FAM50A: variants seen among roughly 807,000 people sequenced by gnomAD.
FAM50A encodes the protein family with sequence similarity 50 member A.
FAM50A carries 6 observed loss-of-function variants against 35.5 expected under a neutral mutation model. That is an observed-to-expected ratio of 0.17 (90% CI 0.09 to 0.33). FAM50A has a LOEUF of 0.33. FAM50A is among the 10% of genes least tolerant of loss of function. The pLI is 1.00. For missense variants in FAM50A, 145 were observed against 295.5 expected (o/e 0.49, Z 3.73); for synonymous variants, 120 against 110.9 (o/e 1.08, Z -0.52).
intron 7 of FAM50A, 79 bp downstream of exon 7, chrX:154,449,033 T>C: frequency 9.8e-7 from 1 of 1,025,076 alleles, no homozygotes; most frequent in South Asian, 2.1e-5. Context: ...CTGACCTTCC[T>C]GACTTGGGAA....
In FAM50A at chrX:154,448,485, G is replaced by A. The variant is rs782217912; in HGVS notation, c.444G>A (p.Glu148=). The change falls in exon 5 of 13, where the codon GAG becomes GAA. Residue 148 remains glutamate, a splice_region_variant and synonymous_variant. Transcript: ENST00000393600. ...ATATTCGGCTTCCTTTTGTTCCAGA[G>A]ATCACCACGAAGAAGAGAAAACTGG... The part of the protein sequence containing the change: ...AMYEEEMERE[E]ITTKKRKLGK... The A allele has an allele frequency of 8.3e-7, 1 of 1,206,332 alleles. No individual in the cohort carries two copies. The highest frequency in any genetic ancestry group is 1.8e-5 in the South Asian group (1 of 56,839).
At chrX:154,446,637 G>A in intron 4 of FAM50A, 77 bp downstream of exon 4, 1 of 1,098,317 alleles carries the variant, frequency 9.1e-7, no homozygotes, top group Non-Finnish European at 1.2e-6. Context: ...TGTCAGCAAA[G>A]CTGATGCCCT....
Position 154,445,919 on chromosome X carries a change from C to G in FAM50A, c.296+8C>G. 8.5e-7 allele frequency: 1 copy of G among 1,180,349 alleles called. No individual in the cohort carries two copies. Among genetic ancestry groups the G allele is most frequent in the Non-Finnish European group, 1.2e-6 (1 of 868,875 alleles). On this transcript the variant is annotated splice_region_variant and intron_variant, in intron 3 of 12. Transcript: ENST00000393600. Reference sequence around the variant, plus strand: ...GTCCAAGGAGCTGCAGATGTGGGTCCTCTCGCCGCAGCCCTCAACATGGAG... The same window carrying G: ...GTCCAAGGAGCTGCAGATGTGGGTCGTCTCGCCGCAGCCCTCAACATGGAG...
chrX:154,450,325 GA>G lies in FAM50A; in HGVS notation c.1011+7del. On this transcript the variant is annotated splice_region_variant and intron_variant, in intron 12 of 12. Transcript: ENST00000393600. The stretch of plus-strand genomic sequence containing the variant: ...AGAAGTGGGACAAGTACACGGTGAG[GA>G]GGGGCTGGCAGGGACCCCTCCAAGT... The G allele has an allele frequency of 8.3e-7, 1 of 1,207,443 alleles. No individual in the cohort carries two copies. Among genetic ancestry groups the G allele is most frequent in the Non-Finnish European group, 1.1e-6 (1 of 891,383 alleles).
intron 1 of FAM50A, 120 bp from the exon 2 acceptor site, chrX:154,445,513 T>C (rs2068778853): frequency 7.1e-6 from 4 of 565,277 alleles, no homozygotes. Context: ...CCCAGCCTCA[T>C]GGAACCTTCC....
Position 154,449,672 on chromosome X carries a change from C to A in FAM50A, c.726-9C>A, listed in dbSNP as rs1557200287. On this transcript the variant is annotated splice_polypyrimidine_tract_variant and intron_variant, in intron 8 of 12. Transcript: ENST00000393600. ...CTCTTGCCCACGCCCTCCTGCCTTC[C>A]TCCCTCAGGTCCGCAGGGGTGGAGC... 1.7e-6 allele frequency: 2 copies of A among 1,208,819 alleles called. No homozygotes were observed. The highest frequency in any genetic ancestry group is 2.2e-6 in the Non-Finnish European group (2 of 892,870).
At chrX:154,444,383 C>G in intron 1 of FAM50A, 37 bp downstream of exon 1, 1 of 801,724 alleles carries the variant, frequency 1.2e-6, no homozygotes, top group Non-Finnish European at 1.6e-6. Flanking sequence ...GCGCGCTGCC[C>G]AGGTCCCCGG....
rs1314722534 is a variant in FAM50A at position 154,444,182 on chromosome X, T to C, written c.-54T>C. 107 of 444,518 alleles carry C rather than the reference T, an allele frequency of 2.4e-4. 1 individual carries two copies. Among genetic ancestry groups the C allele is most frequent in the African/African-American group, 1.6e-3 (54 of 32,826 alleles). The allele number at this position is 444,518 out of a possible 1,213,427, so 36.6% of individuals were successfully genotyped here. ...GCCACCGCCGCTGCCGCTGCCGCTG[T>C]CGCTGTCGCCGCCGCCGCCGCCCGC... is the stretch of plus-strand genomic sequence containing the variant. On this transcript the variant is annotated 5_prime_UTR_variant, in exon 1 of 13. Transcript: ENST00000393600.
At chrX:154,444,635 G>GGGAC (rs199963621) in intron 1 of FAM50A, 19,044 of 152,117 alleles carry the variant, frequency 0.13, 1,012 homozygotes, top group African/African-American at 0.2. Context: ...AGGCACGGCG[G>GGGAC]GGACGGGCCT....
rs1358391034 is a variant in FAM50A, at chrX:154,444,168, T to C, written c.-68T>C. 1.5e-5 allele frequency: 5 copies of C among 344,492 alleles called. No individual in the cohort carries two copies. The highest frequency in any genetic ancestry group is 1.9e-5 in the Non-Finnish European group (5 of 267,105). 28.4% of individuals were successfully genotyped at this position (344,492 alleles called of 1,213,427 possible). A position where few individuals can be genotyped will look rare whatever the true frequency, so the allele number is the denominator to read the frequency against. On this transcript the variant is annotated 5_prime_UTR_variant, in exon 1 of 13. Transcript: ENST00000393600. ...CTGACTGTTCGGCCGCCACCGCCGCTGCCGCTGCCGCTGTCGCTGTCGCCG... is the reference window on the plus strand; with the variant it reads ...CTGACTGTTCGGCCGCCACCGCCGCCGCCGCTGCCGCTGTCGCTGTCGCCG...
In FAM50A at chrX:154,449,876, C is replaced by T. The variant is rs782646434; in HGVS notation, c.781-7C>T. 2.0e-5 allele frequency: 24 copies of T among 1,211,235 alleles called. No individual in the cohort carries two copies. Among genetic ancestry groups the T allele is most frequent in the African/African-American group, 6.9e-5 (4 of 57,729 alleles). ...CAAGACGCCGCTTTCCTGCCCTTGG[C>T]TCCCAGCATCACAGCTTCTACGACT... is the stretch of plus-strand genomic sequence containing the variant. On this transcript the variant is annotated splice_polypyrimidine_tract_variant and splice_region_variant and intron_variant, in intron 9 of 12. Coordinates refer to ENST00000393600, the MANE Select transcript of FAM50A (RefSeq NM_004699.4).
At position 154,444,188 on chromosome X, in the gene FAM50A, T is replaced by TCGCCGC. The variant is rs1163232366; in HGVS notation, c.-37_-32dup. 40 of 507,843 alleles carry TCGCCGC rather than the reference T, an allele frequency of 7.9e-5. No homozygotes were observed. Among genetic ancestry groups the TCGCCGC allele is most frequent in the Non-Finnish European group, 8.9e-5 (37 of 413,943 alleles). 41.9% of individuals were successfully genotyped at this position (507,843 alleles called of 1,213,427 possible). On this transcript the variant is annotated 5_prime_UTR_variant, in exon 1 of 13. Coordinates refer to ENST00000393600, the MANE Select transcript of FAM50A (RefSeq NM_004699.4). ...GCCGCTGCCGCTGCCGCTGTCGCTG[T>TCGCCGC]CGCCGCCGCCGCCGCCCGCCGCCGC... is the stretch of plus-strand genomic sequence containing the variant.
chrX:154,448,759 G>A lies in FAM50A; in HGVS notation c.586+3G>A, dbSNP rs1557200132. On this transcript the variant is annotated splice_donor_region_variant and intron_variant, in intron 6 of 12. Coordinates refer to ENST00000393600, the MANE Select transcript of FAM50A (RefSeq NM_004699.4). ...AGCCAAGCAGGAGAAGATCAAGAGT[G>A]AGTGTTTGCGGAGTCAGACGCGAGG... 8.3e-7 allele frequency: 1 copy of A among 1,209,586 alleles called. No homozygotes were observed. Among genetic ancestry groups the A allele is most frequent in the Non-Finnish European group, 1.1e-6 (1 of 893,958 alleles).
In FAM50A at chrX:154,450,483, C is replaced by G. The variant is rs376703304; in HGVS notation, c.*51C>G. 3 of 1,178,565 alleles carry G rather than the reference C, an allele frequency of 2.5e-6. No individual in the cohort carries two copies. The African/African-American group carries it at 5.3e-5, about 21-fold the overall frequency. On this transcript the variant is annotated 3_prime_UTR_variant, in exon 13 of 13. Coordinates refer to ENST00000393600, the MANE Select transcript of FAM50A (RefSeq NM_004699.4). ...GCTCCTCAGCTCCCTCAGTGTGCCC[C>G]GTGGTGTCACCGGGACTCCAGGCAC...
intron 9 of FAM50A, 60 bp from the exon 10 acceptor site, chrX:154,449,823 G>C: frequency 1.7e-6 from 2 of 1,190,769 alleles, no homozygotes; most frequent in Non-Finnish European, 2.3e-6. Context: ...GCAGGCGGGG[G>C]GTGTGGGGAG....
chrX:154,445,404 C>T (rs782402146), intron 1 of FAM50A: 76 of 437,247 alleles, frequency 1.7e-4, no homozygotes, highest in African/African-American at 1.7e-3. Context: ...CTTCAGGCTA[C>T]TGAGGGACCT....
chrX:154,447,540 G>A (rs1368774283), intron 4 of FAM50A, among the ~76,000 whole-genome samples: 1 of 112,514 alleles, frequency 8.9e-6, no homozygotes, highest in Non-Finnish European at 1.9e-5. Flanking sequence ...TTAACCCAGC[G>A]TATCCAAAAT....
intron 4 of FAM50A, 121 bp downstream of exon 4, chrX:154,446,681 C>T: frequency 1.9e-5 from 19 of 978,696 alleles, no homozygotes; most frequent in Non-Finnish European, 2.4e-5. Context: ...CCTCTTGAGG[C>T]ACCGCGCACA....
At chrX:154,447,613 G>A (rs1234221190) in intron 4 of FAM50A, among the ~76,000 whole-genome samples, 1 of 111,936 alleles carries the variant, frequency 8.9e-6, no homozygotes, top group Non-Finnish European at 1.9e-5. Context: ...GGGAGCTACT[G>A]GTTTGTGTTT....
Sources: allele counts gnomAD v4.1 joint callset (sites outside exome capture counted in the v4.1 genomes callset), GRCh38; gene constraint gnomAD v4.1.1; transcripts MANE v1.5; gene names NCBI Gene and HGNC (gene_info 2026-07-23, HGNC 2026-07-21).